ARHGAP25: variants seen among roughly 807,000 people sequenced by gnomAD.
ARHGAP25 encodes the protein Rho GTPase activating protein 25.
In ARHGAP25, 34 loss-of-function variants were observed where a neutral mutation model predicts 71.0. The observed-to-expected ratio is 0.48, with a 90% CI of 0.36 to 0.64. The LOEUF is 0.64. Ranked by LOEUF, ARHGAP25 falls within the 30% of genes least tolerant of loss-of-function variation. The pLI is 0.00. For synonymous variants in ARHGAP25, 282 were observed against 296.5 expected (o/e 0.95, Z 0.50); for missense variants, 706 against 805.1 (o/e 0.88, Z 1.49).
At chr2:68,794,290 G>A (rs962907728) in intron 4 of ARHGAP25, among the ~76,000 whole-genome samples, 1 of 152,060 alleles carries the variant, frequency 6.6e-6, no homozygotes, top group Non-Finnish European at 1.5e-5. Flanking sequence ...CTCTGGGTAG[G>A]ACTTCCAGTA....
At chr2:68,825,361 G>T (rs1682037623) in intron 10 of ARHGAP25, among the ~76,000 whole-genome samples, 2 of 152,154 alleles carry the variant, frequency 1.3e-5, no homozygotes, top group Non-Finnish European at 2.9e-5. Context: ...TGAATATATA[G>T]ATCTGTTAGA....
chr2:68,710,995 G>C (rs1388719770), intron 2 of ARHGAP25, among the ~76,000 whole-genome samples: 1 of 152,100 alleles, frequency 6.6e-6, no homozygotes, highest in African/African-American at 2.4e-5. Flanking sequence ...TTCCTCCCTG[G>C]TTGTCTAGGT....
chr2:68,773,285 T>C lies in ARHGAP25; in HGVS notation c.62-1936T>C, dbSNP rs867364049. ...AGTATGCCATGATTATAAATAAAGA[T>C]TGAGAATCACAGGCGTAGAAGGAGA... On this transcript the variant is annotated intron_variant, in intron 1 of 10. Coordinates refer to ENST00000409202, the MANE Select transcript of ARHGAP25 (RefSeq NM_001007231.3). Among the ~76,000 whole-genome samples the C allele has an allele frequency of 5.9e-4, 90 of 152,286 alleles. No homozygotes were observed. The Middle Eastern group carries it at 0.014, about 23-fold the overall frequency.
rs1361615434 is a variant in ARHGAP25 at position 68,776,759 on chromosome 2, G to C, written c.261+1339G>C. 2.0e-5 allele frequency among the ~76,000 whole-genome samples: 3 copies of C among 152,144 alleles called. No homozygotes were observed. In the South Asian group the frequency reaches 6.2e-4, roughly 32 times the overall value. The stretch of plus-strand genomic sequence containing the variant: ...TCATGTGTGTGGAGATGGAAGTATG[G>C]GCTTGGCCAGAAGGAGCTTATTTGG... On this transcript the variant is annotated intron_variant, in intron 2 of 10. Transcript: ENST00000409202.
chr2:68,749,612 T>A (rs1289744454), intron 1 of ARHGAP25, among the ~76,000 whole-genome samples: 1 of 152,208 alleles, frequency 6.6e-6, no homozygotes, highest in African/African-American at 2.4e-5. Context: ...AAGGGAATCA[T>A]GCAAAGGCAG....
At chr2:68,775,582 A>C in intron 2 of ARHGAP25, 162 bp downstream of exon 2, 3 of 1,101,520 alleles carry the variant, frequency 2.7e-6, no homozygotes, top group Non-Finnish European at 2.7e-6. Flanking sequence ...AGATACATAA[A>C]CTGAGTTGCA....
At chr2:68,739,194 G>T (rs928290953) in intron 1 of ARHGAP25, among the ~76,000 whole-genome samples, 1 of 152,228 alleles carries the variant, frequency 6.6e-6, no homozygotes, top group African/African-American at 2.4e-5. Context: ...GTACATGCCA[G>T]ATGAGGTCAG....
intron 1 of ARHGAP25, among the ~76,000 whole-genome samples, chr2:68,772,867 T>C (rs2104368419): frequency 6.6e-6 from 1 of 152,360 alleles, no homozygotes; most frequent in African/African-American, 2.4e-5. Flanking sequence ...CACACTGATA[T>C]AAAGCAAATC....
intron 1 of ARHGAP25, among the ~76,000 whole-genome samples, chr2:68,742,629 T>C (rs1240774115): frequency 6.6e-6 from 1 of 152,266 alleles, no homozygotes; most frequent in Non-Finnish European, 1.5e-5. Flanking sequence ...ATTATTGTTA[T>C]GGACATTAGC....
intron 6 of ARHGAP25, 122 bp downstream of exon 6, chr2:68,813,541 C>A: frequency 9.0e-7 from 1 of 1,107,058 alleles, no homozygotes; most frequent in Non-Finnish European, 1.2e-6. Context: ...TCAAATGCAA[C>A]TTCCTCAGCA....
At chr2:68,820,681 C>T (rs1041790969) in intron 9 of ARHGAP25, among the ~76,000 whole-genome samples, 2 of 152,066 alleles carry the variant, frequency 1.3e-5, no homozygotes, top group East Asian at 3.9e-4. Context: ...TTCAAGTAAT[C>T]AAAAAGATAG....
At chr2:68,713,073 G>A (rs1388355575) in intron 2 of ARHGAP25, among the ~76,000 whole-genome samples, 1 of 152,088 alleles carries the variant, frequency 6.6e-6, no homozygotes, top group East Asian at 1.9e-4. Context: ...GATAGGGATG[G>A]CATTGAATCT....
chr2:68,760,335 C>G lies in ARHGAP25; in HGVS notation c.62-14886C>G, dbSNP rs138683153. 5.1e-3 allele frequency among the ~76,000 whole-genome samples: 772 copies of G among 152,026 alleles called. 18 individuals carry two copies. The highest frequency in any genetic ancestry group is 0.038 in the Admixed American group (585 of 15,268). On this transcript the variant is annotated intron_variant, in intron 1 of 10. Coordinates refer to ENST00000409202, the MANE Select transcript of ARHGAP25 (RefSeq NM_001007231.3). ...GCAATGTAATACTTGAAGCCCTAGA[C>G]AGAGGAACTAGGTGAGGGAGAGAAA... is the stretch of plus-strand genomic sequence containing the variant.
chr2:68,766,591 C>A (rs1028421937), intron 1 of ARHGAP25, among the ~76,000 whole-genome samples: 1 of 152,118 alleles, frequency 6.6e-6, no homozygotes, highest in African/African-American at 2.4e-5. Context: ...TGGAGAGGCA[C>A]CCTAGGTGAA....
In ARHGAP25 at chr2:68,769,488, G is replaced by A. The variant is rs1179562941; in HGVS notation, c.62-5733G>A. Among the ~76,000 whole-genome samples the A allele has an allele frequency of 1.3e-5, 2 of 152,214 alleles. 1 individual carries two copies. Among genetic ancestry groups the A allele is most frequent in the East Asian group, 3.9e-4 (2 of 5,180 alleles). ...CGTATGTAGAAGCCTGTGCACTTCTGCTACTTTCTCCTTCCTTCTCTCTGT... is the reference window on the plus strand; with the variant it reads ...CGTATGTAGAAGCCTGTGCACTTCTACTACTTTCTCCTTCCTTCTCTCTGT... On this transcript the variant is annotated intron_variant, in intron 1 of 10. Transcript: ENST00000409202.
At chr2:68,813,466 G>GT (rs1329988156) in intron 6 of ARHGAP25, 47 bp downstream of exon 6, 2 of 1,588,448 alleles carry the variant, frequency 1.3e-6, no homozygotes, top group African/African-American at 1.4e-5. Flanking sequence ...AAAGTGATTG[G>GT]TTTTCTGGAC....
At chr2:68,793,039 T>C (rs1418950890) in intron 4 of ARHGAP25, among the ~76,000 whole-genome samples, 1 of 152,240 alleles carries the variant, frequency 6.6e-6, no homozygotes, top group African/African-American at 2.4e-5. Context: ...GTTGAGGATT[T>C]TTTTCATATG....
At chr2:68,817,848 CAT>C in intron 7 of ARHGAP25, 23 bp from the exon 8 acceptor site, 1 of 1,612,742 alleles carries the variant, frequency 6.2e-7, no homozygotes, top group Non-Finnish European at 8.5e-7. Context: ...TGCTTTCTAC[CAT>C]GGGATTTCTT....
At chr2:68,714,141 A>T (rs1674555711) in intron 2 of ARHGAP25, among the ~76,000 whole-genome samples, 1 of 152,016 alleles carries the variant, frequency 6.6e-6, no homozygotes, top group Non-Finnish European at 1.5e-5. Context: ...TAGGTAGGCT[A>T]TTAATTACTG....
Sources: gnomAD v4.1 joint callset for allele counts (sites outside exome capture counted in the v4.1 genomes callset) on GRCh38, gnomAD v4.1.1 for gene constraint, MANE v1.5 for transcripts, NCBI Gene and HGNC (gene_info 2026-07-23, HGNC 2026-07-21) for gene names.